CNTN4: variants seen among roughly 807,000 people sequenced by gnomAD.
The protein encoded by CNTN4 is contactin 4, also known as contactin-4.
Under a neutral mutation model 122.5 loss-of-function variants are expected in CNTN4, and 77 were observed. That is an observed-to-expected ratio of 0.63 (90% CI 0.52 to 0.76). CNTN4 has a LOEUF of 0.76. Among genes scored for constraint, CNTN4 ranks in the 30% least tolerant of loss-of-function variants. CNTN4 has a pLI of 0.00. For missense variants in CNTN4, 1,256 were observed against 1,259.1 expected (o/e 1.00, Z 0.04); for synonymous variants, 512 against 447.0 (o/e 1.15, Z -1.83).
intron 14 of CNTN4, among the ~76,000 whole-genome samples, chr3:3,009,208 G>C (rs940871967): frequency 2.6e-5 from 4 of 152,190 alleles, no homozygotes; most frequent in African/African-American, 9.7e-5. Flanking sequence ...TCGGAGCATT[G>C]CAGAGAGCCT....
At chr3:2,979,248 G>A (rs73001366) in intron 13 of CNTN4, among the ~76,000 whole-genome samples, 34,389 of 151,944 alleles carry the variant, frequency 0.23, 4,709 homozygotes, top group African/African-American at 0.39. Flanking sequence ...TTCTTTCTGG[G>A]GCGCCTAAGC....
chr3:2,851,331 C>T (rs562541470), intron 7 of CNTN4, among the ~76,000 whole-genome samples: 4 of 152,344 alleles, frequency 2.6e-5, no homozygotes, highest in African/African-American at 9.6e-5. Flanking sequence ...TCTCCAGGCA[C>T]TCTCCTCTCC....
chr3:2,516,988 G>A (rs2077058110), intron 3 of CNTN4, among the ~76,000 whole-genome samples: 1 of 152,150 alleles, frequency 6.6e-6, no homozygotes. Flanking sequence ...CTGTATTGTG[G>A]TTGGAAGAGA....
At chr3:2,349,029 C>G (rs1487197984) in intron 3 of CNTN4, among the ~76,000 whole-genome samples, 1 of 152,160 alleles carries the variant, frequency 6.6e-6, no homozygotes, top group African/African-American at 2.4e-5. Context: ...GTCCTCAGTA[C>G]TATAATATTT....
intron 3 of CNTN4, among the ~76,000 whole-genome samples, chr3:2,401,108 T>C (rs911227359): frequency 3.3e-5 from 5 of 152,148 alleles, no homozygotes; most frequent in Non-Finnish European, 7.4e-5. Context: ...ATTACAGAAT[T>C]AGGTTATTTT....
intron 3 of CNTN4, among the ~76,000 whole-genome samples, chr3:2,475,886 G>C (rs2075821723): frequency 6.6e-6 from 1 of 152,086 alleles, no homozygotes; most frequent in Non-Finnish European, 1.5e-5. Context: ...AGTGGATCAG[G>C]GTTCTTTTGT....
At chr3:2,362,245 C>A in intron 3 of CNTN4, 2 of 181,182 alleles carry the variant, frequency 1.1e-5, no homozygotes, top group Non-Finnish European at 1.2e-5. Context: ...GAGTTTATCC[C>A]AGCTCTGGCA....
At chr3:2,321,328 C>G (rs142563381) in intron 2 of CNTN4, among the ~76,000 whole-genome samples, 11 of 152,130 alleles carry the variant, frequency 7.2e-5, no homozygotes, top group Admixed American at 2.0e-4. Flanking sequence ...GCCATGTACC[C>G]CCATGAAAAT....
chr3:2,212,344 C>T (rs1270140279), intron 2 of CNTN4, among the ~76,000 whole-genome samples: 1 of 152,054 alleles, frequency 6.6e-6, no homozygotes, highest in Non-Finnish European at 1.5e-5. Context: ...CTCTTGTTGC[C>T]AATAAAGACA....
intron 4 of CNTN4, among the ~76,000 whole-genome samples, chr3:2,694,395 G>C (rs1235838634): frequency 6.6e-6 from 1 of 152,214 alleles, no homozygotes; most frequent in African/African-American, 2.4e-5. Flanking sequence ...CTAAAGCAGA[G>C]TCTGTGTTCT....
chr3:2,444,731 TTGGCTGGCTGGCTGGC>T (rs529016308), intron 3 of CNTN4, among the ~76,000 whole-genome samples: 22 of 151,708 alleles, frequency 1.5e-4, no homozygotes, highest in Non-Finnish European at 1.0e-4. Context: ...TGAATAAATA[TTGGCTGGCTGGCTGGC>T]TGGCTGGCTG....
At chr3:2,332,105 G>GT (rs1250370373) in intron 2 of CNTN4, among the ~76,000 whole-genome samples, 1 of 152,092 alleles carries the variant, frequency 6.6e-6, no homozygotes, top group East Asian at 1.9e-4. Flanking sequence ...CAGGCTCTTT[G>GT]TTGTAAATAT....
chr3:2,274,925 G>C (rs1379617527), intron 2 of CNTN4, among the ~76,000 whole-genome samples: 2 of 152,168 alleles, frequency 1.3e-5, no homozygotes, highest in African/African-American at 4.8e-5. Flanking sequence ...TTGATACTGT[G>C]TCAAAGGGCA....
chr3:2,206,294 T>G (rs2038339725), intron 2 of CNTN4, among the ~76,000 whole-genome samples: 3 of 152,132 alleles, frequency 2.0e-5, no homozygotes, highest in Admixed American at 1.3e-4. Flanking sequence ...CTAACTTTCT[T>G]TGACAGTATC....
chr3:2,187,609 C>T (rs966094178), intron 2 of CNTN4, among the ~76,000 whole-genome samples: 2 of 152,168 alleles, frequency 1.3e-5, no homozygotes, highest in Non-Finnish European at 2.9e-5. Context: ...TAGTCACATT[C>T]TGCCGGGTTC....
intron 2 of CNTN4, among the ~76,000 whole-genome samples, chr3:2,166,437 T>G (rs1044381355): frequency 1.3e-5 from 2 of 152,148 alleles, no homozygotes; most frequent in Non-Finnish European, 2.9e-5. Context: ...AAACCTGAGA[T>G]AGGTCCCAGT....
At chr3:2,309,385 T>A (rs1260982972) in intron 2 of CNTN4, among the ~76,000 whole-genome samples, 1 of 152,198 alleles carries the variant, frequency 6.6e-6, no homozygotes, top group African/African-American at 2.4e-5. Flanking sequence ...TATAGTTAGA[T>A]CATGTGTTTT....
chr3:2,734,512 G>A (rs1418104696), intron 4 of CNTN4, among the ~76,000 whole-genome samples: 1 of 152,116 alleles, frequency 6.6e-6, no homozygotes, highest in African/African-American at 2.4e-5. Context: ...TCAGTCCATG[G>A]TCTTTCTGAA....
intron 3 of CNTN4, among the ~76,000 whole-genome samples, chr3:2,511,080 G>A (rs2076873008): frequency 6.6e-6 from 1 of 152,102 alleles, no homozygotes; most frequent in African/African-American, 2.4e-5. Flanking sequence ...CATAAAATCC[G>A]TAGAAGAGAT....
Sources: gnomAD v4.1 joint callset for allele counts (sites outside exome capture counted in the v4.1 genomes callset) on GRCh38, gnomAD v4.1.1 for gene constraint, MANE v1.5 for transcripts, NCBI Gene and HGNC (gene_info 2026-07-23, HGNC 2026-07-21) for gene names.